Variants in PRKN observed in about 807,000 individuals in gnomAD.
PRKN encodes the protein E3 ubiquitin-protein ligase parkin.
In PRKN, 56 loss-of-function variants were observed where a neutral mutation model predicts 59.5. The observed-to-expected ratio is 0.94, with a 90% CI of 0.76 to 1.18. The LOEUF (loss-of-function observed/expected upper bound fraction) is 1.18. PRKN is among the 50% of genes most tolerant of loss of function. The pLI, the probability that PRKN is intolerant of heterozygous loss-of-function variation, is 0.00. For synonymous variants in PRKN, 250 were observed against 222.1 expected (o/e 1.13, Z -1.12); for missense variants, 657 against 596.4 (o/e 1.10, Z -1.06).
chr6:161,659,424 T>A (rs965817052), intron 7 of PRKN, among the ~76,000 whole-genome samples: 1 of 152,198 alleles, frequency 6.6e-6, no homozygotes, highest in Non-Finnish European at 1.5e-5. Flanking sequence ...CTGGTGATGG[T>A]ACAGTGGTTG....
chr6:162,503,397 C>T (rs772365605), intron 1 of PRKN, among the ~76,000 whole-genome samples: 2 of 152,054 alleles, frequency 1.3e-5, no homozygotes, highest in African/African-American at 2.4e-5. Flanking sequence ...CCCCCGACCT[C>T]AGGAGATCTT....
intron 7 of PRKN, among the ~76,000 whole-genome samples, chr6:161,763,065 G>A (rs1029323758): frequency 6.6e-6 from 1 of 152,190 alleles, no homozygotes; most frequent in South Asian, 2.1e-4. Flanking sequence ...CCTAAGGAGA[G>A]TCAACATTGT....
intron 1 of PRKN, among the ~76,000 whole-genome samples, chr6:162,579,616 TAC>T (rs562847878): frequency 6.1e-5 from 9 of 148,752 alleles, no homozygotes; most frequent in Admixed American, 1.3e-4. Context: ...CACACACAGA[TAC>T]ACACATACAC....
intron 7 of PRKN, among the ~76,000 whole-genome samples, chr6:161,774,317 G>T (rs1049202972): frequency 6.6e-6 from 1 of 151,222 alleles, no homozygotes; most frequent in Admixed American, 6.6e-5. Flanking sequence ...TTGACAGCCC[G>T]TTTGCTTTTT....
intron 5 of PRKN, among the ~76,000 whole-genome samples, chr6:161,986,139 C>A (rs1781427713): frequency 6.6e-6 from 1 of 152,172 alleles, no homozygotes; most frequent in Non-Finnish European, 1.5e-5. Flanking sequence ...CCAGAAGTTA[C>A]TACTCTTTTC....
chr6:161,707,277 A>T (rs909302925), intron 7 of PRKN, among the ~76,000 whole-genome samples: 2 of 124,176 alleles, frequency 1.6e-5, no homozygotes, highest in Non-Finnish European at 3.6e-5. Context: ...TACAGTTATA[A>T]GAGAAAGACA....
At chr6:162,314,696 T>C (rs924714506) in intron 2 of PRKN, among the ~76,000 whole-genome samples, 6 of 152,150 alleles carry the variant, frequency 3.9e-5, no homozygotes, top group Non-Finnish European at 8.8e-5. Context: ...ATTTTAGATG[T>C]TCACTATCAA....
chr6:162,179,594 TC>T (rs1474793199), intron 4 of PRKN, among the ~76,000 whole-genome samples: 175 of 152,214 alleles, frequency 1.1e-3, no homozygotes, highest in African/African-American at 3.9e-3. Context: ...CTGGAAAAGG[TC>T]TAAAAGTCTG....
At chr6:161,351,297 C>G (rs1388103136) in intron 11 of PRKN, among the ~76,000 whole-genome samples, 1 of 149,742 alleles carries the variant, frequency 6.7e-6, no homozygotes, top group Non-Finnish European at 1.5e-5. Context: ...AAAACAGGAA[C>G]TGGGATAGCA....
chr6:162,157,400 G>C (rs1020903903), intron 4 of PRKN, among the ~76,000 whole-genome samples: 2 of 150,306 alleles, frequency 1.3e-5, no homozygotes, highest in African/African-American at 4.9e-5. Flanking sequence ...CCTCATCAAG[G>C]TTACTAAGTG....
At chr6:161,572,475 C>T (rs1052028626) in intron 7 of PRKN, among the ~76,000 whole-genome samples, 1 of 151,940 alleles carries the variant, frequency 6.6e-6, no homozygotes, top group Non-Finnish European at 1.5e-5. Context: ...GCCTGGCCAA[C>T]ATGATGAAAC....
At chr6:162,546,317 G>A (rs1213943537) in intron 1 of PRKN, among the ~76,000 whole-genome samples, 2 of 151,962 alleles carry the variant, frequency 1.3e-5, no homozygotes, top group African/African-American at 2.4e-5. Context: ...TGGCCAGGCT[G>A]GTCTCGAACT....
At chr6:161,897,935 C>G (rs991804276) in intron 6 of PRKN, among the ~76,000 whole-genome samples, 2 of 112,526 alleles carry the variant, frequency 1.8e-5, no homozygotes, top group Admixed American at 2.2e-4. Context: ...CCACTGCACT[C>G]CAGCCTGGGT....
At chr6:162,349,478 TAAAC>T (rs1468087858) in intron 2 of PRKN, among the ~76,000 whole-genome samples, 7 of 151,762 alleles carry the variant, frequency 4.6e-5, no homozygotes, top group East Asian at 1.9e-4. Flanking sequence ...AACAAACAAA[TAAAC>T]AAACAAAAAA....
At chr6:161,894,884 T>C (rs2128233092) in intron 6 of PRKN, among the ~76,000 whole-genome samples, 1 of 152,350 alleles carries the variant, frequency 6.6e-6, no homozygotes, top group African/African-American at 2.4e-5. Flanking sequence ...TATGATTTGG[T>C]CCTGTTCTAA....
At chr6:162,585,725 G>A (rs1262174867) in intron 1 of PRKN, among the ~76,000 whole-genome samples, 3 of 151,880 alleles carry the variant, frequency 2.0e-5, no homozygotes, top group East Asian at 3.9e-4. Flanking sequence ...TATTTGATAT[G>A]GAGTTTTGCT....
intron 9 of PRKN, among the ~76,000 whole-genome samples, chr6:161,539,633 C>G (rs1779548256): frequency 6.6e-6 from 1 of 152,118 alleles, no homozygotes; most frequent in South Asian, 2.1e-4. Flanking sequence ...AAAAGTAATT[C>G]ATAAACTCAG....
intron 2 of PRKN, among the ~76,000 whole-genome samples, chr6:162,272,656 T>C (rs1013080550): frequency 8.5e-5 from 13 of 152,050 alleles, no homozygotes; most frequent in African/African-American, 3.1e-4. Flanking sequence ...ACCTCCGCGA[T>C]TGCAAAACAA....
chr6:161,604,319 C>T (rs1225933944), intron 7 of PRKN, among the ~76,000 whole-genome samples: 1 of 152,172 alleles, frequency 6.6e-6, no homozygotes, highest in African/African-American at 2.4e-5. Flanking sequence ...TAAGACATAA[C>T]TTTGAGCCTT....
Sources: gnomAD v4.1 joint callset for allele counts (sites outside exome capture counted in the v4.1 genomes callset) on GRCh38, gnomAD v4.1.1 for gene constraint, MANE v1.5 for transcripts, NCBI Gene and HGNC (gene_info 2026-07-23, HGNC 2026-07-21) for gene names.